Variants in GLIS3 observed in about 807,000 individuals in gnomAD.
GLIS3 encodes the protein GLIS family zinc finger 3.
A neutral mutation model predicts 78.6 loss-of-function variants in GLIS3; 53 were observed. The ratio of observed to expected loss-of-function variants is 0.67; its 90% CI spans 0.54 to 0.85. The LOEUF (loss-of-function observed/expected upper bound fraction) is 0.85. GLIS3 is among the 40% of genes least tolerant of loss of function. The pLI, the probability that GLIS3 is intolerant of heterozygous loss-of-function variation, is 0.00. For synonymous variants in GLIS3, 684 were observed against 509.9 expected (o/e 1.34, Z -4.60); for missense variants, 1,703 against 1,231.1 (o/e 1.38, Z -5.74).
chr9:3,972,833 A>G (rs1450941183), intron 4 of GLIS3, among the ~76,000 whole-genome samples: 2 of 152,206 alleles, frequency 1.3e-5, no homozygotes, highest in Non-Finnish European at 2.9e-5. Context: ...ATAGAAAAGC[A>G]TATGTTGATC....
intron 2 of GLIS3, among the ~76,000 whole-genome samples, chr9:4,129,504 G>A (rs1253902015): frequency 1.3e-5 from 2 of 151,976 alleles, no homozygotes; most frequent in African/African-American, 2.4e-5. Flanking sequence ...CATGATAAGT[G>A]TTCTCATGTG....
intron 9 of GLIS3, 147 bp from the exon 10 acceptor site, chr9:3,829,639 A>T (rs1817933378): frequency 6.6e-6 from 5 of 760,516 alleles, no homozygotes; most frequent in South Asian, 6.3e-5. Flanking sequence ...TTCCAAGCAA[A>T]CATTTGGAAT....
intron 1 of GLIS3, among the ~76,000 whole-genome samples, chr9:4,294,845 T>G (rs1300851969): frequency 2.6e-5 from 4 of 152,236 alleles, no homozygotes; most frequent in African/African-American, 9.7e-5. Context: ...ATTTATTCTA[T>G]TTATATTGTT....
intron 2 of GLIS3, among the ~76,000 whole-genome samples, chr9:4,141,032 T>C (rs975709648): frequency 6.6e-6 from 1 of 152,172 alleles, no homozygotes; most frequent in Non-Finnish European, 1.5e-5. Flanking sequence ...ACTCCTCACC[T>C]CAGGTGATCC....
chr9:4,208,465 T>G (rs1404656290), intron 2 of GLIS3, among the ~76,000 whole-genome samples: 2 of 152,168 alleles, frequency 1.3e-5, no homozygotes, highest in Admixed American at 6.5e-5. Flanking sequence ...TATAAAGTCA[T>G]GCTAAGTTGC....
intron 2 of GLIS3, among the ~76,000 whole-genome samples, chr9:4,203,070 A>G (rs1211650010): frequency 6.6e-6 from 1 of 152,238 alleles, no homozygotes; most frequent in African/African-American, 2.4e-5. Context: ...AACTATGTCT[A>G]TGTATCTGAC....
At chr9:4,030,639 G>A (rs1028730835) in intron 4 of GLIS3, among the ~76,000 whole-genome samples, 3 of 152,094 alleles carry the variant, frequency 2.0e-5, no homozygotes, top group South Asian at 4.1e-4. Flanking sequence ...ATTCTTCTGC[G>A]TATGGGTATC....
chr9:3,901,439 A>T (rs1823294122), intron 6 of GLIS3, among the ~76,000 whole-genome samples: 1 of 152,238 alleles, frequency 6.6e-6, no homozygotes, highest in Non-Finnish European at 1.5e-5. Flanking sequence ...TATTTACACC[A>T]TGGAAATTGG....
intron 2 of GLIS3, among the ~76,000 whole-genome samples, chr9:4,268,134 T>C (rs930323239): frequency 6.6e-6 from 1 of 152,120 alleles, no homozygotes; most frequent in Non-Finnish European, 1.5e-5. Context: ...AAGTGGCTGG[T>C]TCAAATCCTG....
chr9:4,311,431 T>A (rs1817355330), intron 2 of GLIS3, among the ~76,000 whole-genome samples: 1 of 152,090 alleles, frequency 6.6e-6, no homozygotes, highest in Non-Finnish European at 1.5e-5. Context: ...AAATAAAGTG[T>A]TTAGCTTTTG....
intron 2 of GLIS3, among the ~76,000 whole-genome samples, chr9:4,269,462 C>T (rs772535197): frequency 7.2e-5 from 11 of 152,148 alleles, no homozygotes; most frequent in South Asian, 2.1e-4. Context: ...AAAAATATTA[C>T]GAAGTATTGT....
chr9:4,061,112 A>G (rs549435438), intron 4 of GLIS3, among the ~76,000 whole-genome samples: 8 of 152,128 alleles, frequency 5.3e-5, no homozygotes, highest in Admixed American at 2.6e-4. Context: ...CATGTGCACA[A>G]CGTGCAGGTT....
At chr9:4,176,594 C>G (rs1312405654) in intron 2 of GLIS3, among the ~76,000 whole-genome samples, 5 of 152,074 alleles carry the variant, frequency 3.3e-5, no homozygotes, top group Non-Finnish European at 7.4e-5. Flanking sequence ...AAGAACATCT[C>G]TATGCACATT....
chr9:4,316,515 T>C (rs10739047), intron 2 of GLIS3, among the ~76,000 whole-genome samples: 128,911 of 152,202 alleles, frequency 0.85, 54,845 homozygotes, highest in East Asian at 0.98. Context: ...CTGGCCAGAT[T>C]CACTGTGTGG....
chr9:4,293,346 G>C (rs981172849), intron 1 of GLIS3, among the ~76,000 whole-genome samples: 4 of 152,138 alleles, frequency 2.6e-5, no homozygotes, highest in Admixed American at 1.3e-4. Flanking sequence ...CTTCAGCATA[G>C]TTATTGCTTA....
intron 7 of GLIS3, among the ~76,000 whole-genome samples, chr9:3,883,954 T>C (rs1053666430): frequency 6.6e-6 from 1 of 152,218 alleles, no homozygotes; most frequent in South Asian, 2.1e-4. Flanking sequence ...GGGCTTTCTC[T>C]TTCTTAGTGG....
Position 3,981,009 on chromosome 9 carries a change from T to G in GLIS3, c.1711-43820A>C, listed in dbSNP as rs2130967181. ...CTGCTCTGCTGAACTGAAGCGCTCT[T>G]TTGTTGCAGGGCTGGACGAACTGAA... On this transcript the variant is annotated intron_variant, in intron 4 of 10. Transcript: ENST00000381971. Among the ~76,000 whole-genome samples the G allele has an allele frequency of 1.3e-5, 2 of 152,314 alleles. 1 individual carries two copies. Among genetic ancestry groups the G allele is most frequent in the Middle Eastern group, 6.8e-3 (2 of 294 alleles).
At position 3,994,523 on chromosome 9, in the gene GLIS3, C is replaced by G. The variant is rs549639724; in HGVS notation, c.1711-57334G>C. ...AGCTTAAAACACCACAAAGAGTAAA[C>G]AACTATTTCCATAACTAATAATTAT... On this transcript the variant is annotated intron_variant, in intron 4 of 10. Coordinates refer to ENST00000381971, the MANE Select transcript of GLIS3 (RefSeq NM_001042413.2). Among the ~76,000 whole-genome samples, 3 of 152,296 alleles carry G rather than the reference C, an allele frequency of 2.0e-5. No individual in the cohort carries two copies. In the East Asian group the frequency reaches 5.8e-4, roughly 29 times the overall value.
At chr9:4,381,121 T>A in the GLIS3 span, among the ~76,000 whole-genome samples, 14 of 152,100 alleles carry the variant, frequency 9.2e-5, no homozygotes, top group African/African-American at 3.4e-4. Context: ...AAGAACCAAG[T>A]AAGTGAGAAA....
Sources: gnomAD v4.1 joint callset for allele counts (sites outside exome capture counted in the v4.1 genomes callset) on GRCh38, gnomAD v4.1.1 for gene constraint, MANE v1.5 for transcripts, NCBI Gene and HGNC (gene_info 2026-07-23, HGNC 2026-07-21) for gene names.